The following PSMA1 variants were observed in gnomAD, a reference collection of about 807,000 sequenced individuals.
The protein encoded by PSMA1 is proteasome subunit alpha type-1.
PSMA1 carries 3 observed loss-of-function variants against 38.4 expected under a neutral mutation model. That is an observed-to-expected ratio of 0.08 (90% CI 0.04 to 0.20). PSMA1 has a LOEUF of 0.20. Ranked by LOEUF, PSMA1 falls within the 10% of genes least tolerant of loss-of-function variation. The pLI is 1.00. For synonymous variants in PSMA1, 101 were observed against 107.1 expected, an observed-to-expected ratio of 0.94 and a Z score of 0.35; for missense variants, 227 against 325.3, an observed-to-expected ratio of 0.70 and a Z score of 2.32.
intron 2 of PSMA1, among the ~76,000 whole-genome samples, chr11:14,574,820 T>C (rs952630421): frequency 2.0e-5 from 3 of 152,036 alleles, no homozygotes; most frequent in Admixed American, 1.3e-4. Context: ...AATTACCGAG[T>C]CTTGGGTATT....
chr11:14,603,652 A>G (rs1376223089), intron 2 of PSMA1, among the ~76,000 whole-genome samples: 1 of 152,248 alleles, frequency 6.6e-6, no homozygotes, highest in Non-Finnish European at 1.5e-5. Context: ...TATTCAAGTA[A>G]GACAAAGATG....
rs578133368 is a variant in PSMA1, at chr11:14,528,410, T to C, written c.22-9369A>G. Among the ~76,000 whole-genome samples the C allele has an allele frequency of 2.6e-5, 4 of 152,228 alleles. No homozygotes were observed. In the East Asian group the frequency reaches 7.7e-4, roughly 29 times the overall value. On this transcript the variant is annotated intron_variant, in intron 2 of 10. Transcript: ENST00000418988. ...GCCATCACCAATACTATATGACAAA[T>C]GCTTCTTCTAACAACCCCACAATAT...
chr11:14,623,678 C>A (rs1465449591), intron 1 of PSMA1, among the ~76,000 whole-genome samples: 1 of 152,062 alleles, frequency 6.6e-6, no homozygotes, highest in Admixed American at 6.5e-5. Context: ...TTTATATAAG[C>A]CAGTCTTTGT....
intron 2 of PSMA1, among the ~76,000 whole-genome samples, chr11:14,588,909 TCTATC>T (rs1852380251): frequency 6.6e-6 from 1 of 152,224 alleles, no homozygotes; most frequent in South Asian, 2.1e-4. Context: ...CAGCTGCTGT[TCTATC>T]TGCCTGGAGG....
chr11:14,561,425 G>T (rs1441978268), intron 2 of PSMA1, among the ~76,000 whole-genome samples: 1 of 152,138 alleles, frequency 6.6e-6, no homozygotes, highest in Non-Finnish European at 1.5e-5. Flanking sequence ...TCCTGTTCCT[G>T]GAATCTATTT....
chr11:14,609,651 G>A (rs547973757), intron 2 of PSMA1, among the ~76,000 whole-genome samples: 151 of 152,234 alleles, frequency 9.9e-4, no homozygotes, highest in African/African-American at 3.6e-3. Flanking sequence ...GGAGGAAATA[G>A]CAAATGCAAA....
chr11:14,517,965 A>G lies in PSMA1; in HGVS notation c.65T>C (p.Ile22Thr). The G allele has an allele frequency of 1.9e-6, 3 of 1,602,278 alleles. No individual in the cohort carries two copies. Among genetic ancestry groups the G allele is most frequent in the East Asian group, 2.2e-5 (1 of 44,768 alleles). Residue 22 changes from isoleucine to threonine, a missense_variant, in exon 3 of 10, where the codon ATT (isoleucine) becomes ACT (threonine). By Grantham distance (89) the Ile-to-Thr change is moderately conservative (BLOSUM62 -1). Transcript: ENST00000396394. Reference sequence around the variant, plus strand: ...TTTAACAGCTTCCATTGCATATTCAATTTGATGAATCCTGCCCTAAAGAAA... The same window carrying G: ...TTTAACAGCTTCCATTGCATATTCAGTTTGATGAATCCTGCCCTAAAGAAA... Reference protein sequence around the residue: ...VWSPQGRIHQIEYAMEAVKQG... With the variant: ...VWSPQGRIHQTEYAMEAVKQG...
At position 14,594,198 on chromosome 11, in the gene PSMA1, T is replaced by C. The variant is rs541111779; in HGVS notation, c.21+16768A>G. ...TATGTGAAGTAATAAATGTTTCTTATTATTAAAGCAATTTTCTTAAGTTTT... is the reference window on the plus strand; with the variant it reads ...TATGTGAAGTAATAAATGTTTCTTACTATTAAAGCAATTTTCTTAAGTTTT... On this transcript the variant is annotated intron_variant, in intron 2 of 10. Coordinates refer to the PSMA1 transcript ENST00000418988. Among the ~76,000 whole-genome samples the C allele has an allele frequency of 4.1e-4, 63 of 152,354 alleles. No homozygotes were observed. In the South Asian group the frequency reaches 0.012, roughly 29 times the overall value.
At chr11:14,537,207 C>T (rs1250435817) in intron 2 of PSMA1, among the ~76,000 whole-genome samples, 3 of 152,138 alleles carry the variant, frequency 2.0e-5, no homozygotes, top group East Asian at 1.9e-4. Flanking sequence ...AAACTAAGTG[C>T]GCAGTTCCTT....
chr11:14,512,392 A>G (rs1344168003), intron 7 of PSMA1, among the ~76,000 whole-genome samples: 1 of 152,066 alleles, frequency 6.6e-6, no homozygotes, highest in Non-Finnish European at 1.5e-5. Flanking sequence ...AAAAAAAAAG[A>G]ATTAAATACC....
chr11:14,587,249 G>C (rs1043330406), intron 2 of PSMA1, among the ~76,000 whole-genome samples: 2 of 152,138 alleles, frequency 1.3e-5, no homozygotes, highest in Non-Finnish European at 2.9e-5. Context: ...CAGGAGGACT[G>C]GAAACGGGAA....
chr11:14,539,628 G>A (rs913333741), intron 2 of PSMA1, among the ~76,000 whole-genome samples: 1 of 152,148 alleles, frequency 6.6e-6, no homozygotes, highest in Non-Finnish European at 1.5e-5. Flanking sequence ...GGCGGATCAC[G>A]AAGTCAGGAG....
Position 14,602,253 on chromosome 11 carries a change from G to A in PSMA1, c.21+8713C>T, listed in dbSNP as rs142881376. Among the ~76,000 whole-genome samples the A allele has an allele frequency of 8.1e-3, 1,236 of 152,256 alleles. 9 individuals carry two copies. Among genetic ancestry groups the A allele is most frequent in the Non-Finnish European group, 0.012 (837 of 68,022 alleles). On this transcript the variant is annotated intron_variant, in intron 2 of 10. Transcript: ENST00000418988. ...GACCGTTTCCCAGAACTAGACACCT[G>A]GGCAAAACTGTCTTGGCCATGAAAA...
At chr11:14,637,572 A>G (rs1467423623) in intron 1 of PSMA1, among the ~76,000 whole-genome samples, 1 of 152,224 alleles carries the variant, frequency 6.6e-6, no homozygotes, top group Non-Finnish European at 1.5e-5. Flanking sequence ...GCTAATATGA[A>G]TGAAATTGGT....
intron 2 of PSMA1, among the ~76,000 whole-genome samples, chr11:14,543,305 C>A (rs574285240): frequency 3.9e-4 from 60 of 152,252 alleles, no homozygotes; most frequent in Admixed American, 1.1e-3. Flanking sequence ...CAAATCCAGT[C>A]TGGACTACAT....
rs1344319894 is a variant in PSMA1, at chr11:14,564,822, A to G, written c.22-45781T>C. ...TGAGAAGGGTCCCACTCTGTTGCCC[A>G]GGCTGGAATGTGGTGGTGCAATCAC... On this transcript the variant is annotated intron_variant, in intron 2 of 10. Transcript: ENST00000418988. 3.4e-5 allele frequency among the ~76,000 whole-genome samples: 5 copies of G among 148,816 alleles called. No homozygotes were observed. The South Asian group carries it at 1.1e-3, about 31-fold the overall frequency.
intron 1 of PSMA1, among the ~76,000 whole-genome samples, chr11:14,617,509 T>A (rs1852789016): frequency 6.6e-6 from 1 of 151,816 alleles, no homozygotes; most frequent in Non-Finnish European, 1.5e-5. Flanking sequence ...AATGAAAGAG[T>A]GAATAGACAT....
At chr11:14,554,118 T>C (rs1175054248) in intron 2 of PSMA1, among the ~76,000 whole-genome samples, 1 of 152,218 alleles carries the variant, frequency 6.6e-6, no homozygotes, top group African/African-American at 2.4e-5. Flanking sequence ...TGCAGAAATA[T>C]ATTTTCATGT....
chr11:14,638,564 TATATATATATATATATATATA>T lies in PSMA1; in HGVS notation c.-166+4870_-166+4890del, dbSNP rs1430987916. ...CTCTCTCTATATATATATATATATA[TATATATATATATATATATATA>T]TTTTTTTTTTTTTTTTTTTTTTTTT... is the stretch of plus-strand genomic sequence containing the variant. On this transcript the variant is annotated intron_variant, in intron 1 of 10. Transcript: ENST00000418988. 4.5e-3 allele frequency among the ~76,000 whole-genome samples: 85 copies of T among 18,762 alleles called. 5 individuals carry two copies. In the East Asian group the frequency reaches 0.048, roughly 11 times the overall value. The allele number at this position is 18,762 out of a possible 152,430, so 12.3% of individuals were successfully genotyped here.
Sources: gnomAD v4.1 joint callset for allele counts (sites outside exome capture counted in the v4.1 genomes callset) on GRCh38, gnomAD v4.1.1 for gene constraint, MANE v1.5 for transcripts, NCBI Gene and HGNC (gene_info 2026-07-23, HGNC 2026-07-21) for gene names.